The following SNTB2 variants were observed in gnomAD, a reference collection of about 807,000 sequenced individuals.
The protein encoded by SNTB2 is beta-2-syntrophin.
SNTB2 carries 34 observed loss-of-function variants against 46.2 expected under a neutral mutation model. The ratio of observed to expected loss-of-function variants is 0.74; its 90% confidence interval spans 0.56 to 0.98. The LOEUF (loss-of-function observed/expected upper bound fraction) is 0.98, where lower values mean the gene tolerates loss of function less well. Among genes scored for constraint, SNTB2 ranks in the 50% least tolerant of loss-of-function variants. The pLI, the probability that SNTB2 is intolerant of heterozygous loss-of-function variation, is 0.00. For missense variants in SNTB2, 603 were observed against 731.4 expected, an observed-to-expected ratio of 0.82 and a Z score of 2.02; for synonymous variants, 290 against 312.6, an observed-to-expected ratio of 0.93 and a Z score of 0.76.
intron 4 of SNTB2, among the ~76,000 whole-genome samples, chr16:69,282,344 A>C (rs1455704595): frequency 1.3e-5 from 2 of 150,770 alleles, no homozygotes; most frequent in Non-Finnish European, 2.9e-5. Context: ...GACATGAGAC[A>C]CCACTCCCGG....
intron 1 of SNTB2, among the ~76,000 whole-genome samples, chr16:69,207,400 C>T (rs536555168): frequency 1.1e-4 from 17 of 152,108 alleles, no homozygotes; most frequent in Non-Finnish European, 1.6e-4. Context: ...TCAGGTGATC[C>T]GCCTGCCTTG....
intron 1 of SNTB2, among the ~76,000 whole-genome samples, chr16:69,238,350 A>G (rs528071364): frequency 4.6e-5 from 7 of 152,158 alleles, no homozygotes; most frequent in African/African-American, 1.7e-4. Flanking sequence ...TCAGGCCTAC[A>G]TGTGGAAACA....
At chr16:69,219,562 C>T (rs1347351118) in intron 1 of SNTB2, among the ~76,000 whole-genome samples, 2 of 152,164 alleles carry the variant, frequency 1.3e-5, no homozygotes, top group Non-Finnish European at 2.9e-5. Context: ...TGCTATGAGT[C>T]AGTAATAGTG....
chr16:69,250,986 T>G (rs1329279402), intron 2 of SNTB2, among the ~76,000 whole-genome samples: 1 of 150,954 alleles, frequency 6.6e-6, no homozygotes. Flanking sequence ...TATCTGTTTT[T>G]TTTTTTTTTT....
At chr16:69,283,107 A>AT (rs771093277) in intron 4 of SNTB2, among the ~76,000 whole-genome samples, 5 of 151,780 alleles carry the variant, frequency 3.3e-5, no homozygotes, top group Non-Finnish European at 2.9e-5. Flanking sequence ...CCATGCTGAG[A>AT]TTTTTTTTGT....
chr16:69,210,823 T>C (rs1476445486), intron 1 of SNTB2, among the ~76,000 whole-genome samples: 1 of 152,044 alleles, frequency 6.6e-6, no homozygotes, highest in African/African-American at 2.4e-5. Flanking sequence ...GGAAACCTCA[T>C]CCCTACTAAA....
chr16:69,282,831 A>T (rs1471964330), intron 4 of SNTB2, among the ~76,000 whole-genome samples: 3 of 152,212 alleles, frequency 2.0e-5, no homozygotes, highest in Admixed American at 2.0e-4. Flanking sequence ...ATGCTTAAGC[A>T]TTTCATTTTA....
chr16:69,261,115 C>T (rs1964830188), intron 3 of SNTB2, among the ~76,000 whole-genome samples: 1 of 151,210 alleles, frequency 6.6e-6, no homozygotes, highest in Non-Finnish European at 1.5e-5. Context: ...CTGTTTTTCA[C>T]TGCTTTTGAG....
intron 1 of SNTB2, among the ~76,000 whole-genome samples, chr16:69,195,174 CAG>C (rs1220769428): frequency 2.0e-5 from 3 of 152,110 alleles, no homozygotes; most frequent in East Asian, 3.8e-4. Flanking sequence ...ATATAGAGCT[CAG>C]GGGCAGCTTT....
intron 4 of SNTB2, among the ~76,000 whole-genome samples, chr16:69,283,121 TTTTTGTTTTC>T (rs1965066377): frequency 6.6e-6 from 1 of 152,058 alleles, no homozygotes; most frequent in African/African-American, 2.4e-5. Flanking sequence ...TTTTTGTTGT[TTTTTGTTTTC>T]TTTTGTTTTT....
At chr16:69,207,125 A>C (rs937444344) in intron 1 of SNTB2, among the ~76,000 whole-genome samples, 5 of 140,424 alleles carry the variant, frequency 3.6e-5, no homozygotes, top group African/African-American at 1.1e-4. Flanking sequence ...TAAAGTATAG[A>C]TTTTCCTTTT....
chr16:69,191,625 A>C (rs1597166480), intron 1 of SNTB2, among the ~76,000 whole-genome samples: 1 of 138,098 alleles, frequency 7.2e-6, no homozygotes, highest in East Asian at 2.4e-4. Context: ...GAAAGGTTTT[A>C]TTTACTGGTG....
intron 1 of SNTB2, among the ~76,000 whole-genome samples, chr16:69,201,568 G>A (rs1247180372): frequency 1.3e-5 from 2 of 152,140 alleles, no homozygotes; most frequent in Non-Finnish European, 2.9e-5. Flanking sequence ...GGTGGGTAAC[G>A]TTGCTAAATC....
intron 2 of SNTB2, among the ~76,000 whole-genome samples, chr16:69,256,180 C>A (rs763646199): frequency 2.0e-5 from 3 of 151,594 alleles, no homozygotes; most frequent in Non-Finnish European, 4.4e-5. Flanking sequence ...AGCGAAACTC[C>A]GTCTCAAAAA....
Position 69,187,439 on chromosome 16 carries a change from G to A in SNTB2, c.273G>A (p.Leu91=), listed in dbSNP as rs1387830344. 8.5e-7 allele frequency: 1 copy of A among 1,172,688 alleles called. No individual in the cohort carries two copies. The highest frequency in any genetic ancestry group is 1.6e-5 in the African/African-American group (1 of 61,714). 72.6% of individuals were successfully genotyped at this position (1,172,688 alleles called of 1,614,324 possible). A position where few individuals can be genotyped will look rare whatever the true frequency, so the allele number is the denominator to read the frequency against. ...DSLPGSPSRG[L]GPPSPPAPPR... ...TGCCCGGGAGCCCAAGCCGCGGCCT[G>A]GGGCCCCCGAGCCCGCCGGCGCCGC... Residue 91 remains leucine, a synonymous_variant, in exon 1 of 7, where the codon CTG becomes CTA. Coordinates refer to ENST00000336278, the MANE Select transcript of SNTB2 (RefSeq NM_006750.4).
chr16:69,280,535 G>T (rs904930655), intron 4 of SNTB2, among the ~76,000 whole-genome samples: 5 of 139,416 alleles, frequency 3.6e-5, no homozygotes, highest in Non-Finnish European at 7.4e-5. Context: ...TGGCCGGGCG[G>T]GGGGCTCACA....
chr16:69,203,902 A>G (rs1010607097), intron 1 of SNTB2, among the ~76,000 whole-genome samples: 4 of 150,902 alleles, frequency 2.7e-5, no homozygotes, highest in Admixed American at 1.3e-4. Flanking sequence ...AATTATTATT[A>G]TTATTTCTGA....
rs1253305820 is a variant in SNTB2 at position 69,302,515 on chromosome 16, C to A, written c.*1591C>A. The A allele has an allele frequency of 6.6e-6, 1 of 152,076 alleles. No individual in the cohort carries two copies. The highest frequency in any genetic ancestry group is 1.5e-5 in the Non-Finnish European group (1 of 68,048). The allele number at this position is 152,076 out of a possible 1,614,324, so 9.4% of individuals were successfully genotyped here. ...GGTGTCACTTCAGATGGGGCAGGCACAGGGGGAGAAAAGAAGAGAAAAACA... is the reference window on the plus strand; with the variant it reads ...GGTGTCACTTCAGATGGGGCAGGCAAAGGGGGAGAAAAGAAGAGAAAAACA... On this transcript the variant is annotated 3_prime_UTR_variant, in exon 7 of 7. Transcript: ENST00000336278.
chr16:69,263,641 C>T (rs1393162297), intron 3 of SNTB2, among the ~76,000 whole-genome samples: 1 of 151,888 alleles, frequency 6.6e-6, no homozygotes, highest in African/African-American at 2.4e-5. Flanking sequence ...TGGTCTTGAA[C>T]TCCTGACCTC....
Sources: gnomAD v4.1 joint callset for allele counts (sites outside exome capture counted in the v4.1 genomes callset) on GRCh38, gnomAD v4.1.1 for gene constraint, MANE v1.5 for transcripts, NCBI Gene and HGNC (gene_info 2026-07-23, HGNC 2026-07-21) for gene names.